Variants in OPRL1 observed in about 807,000 individuals in gnomAD.
OPRL1 encodes opioid related nociceptin receptor 1.
In OPRL1, 5 loss-of-function variants were observed where a neutral mutation model predicts 15.5. The observed-to-expected ratio is 0.32, with a 90% CI of 0.17 to 0.68. The LOEUF (loss-of-function observed/expected upper bound fraction) is 0.68, where lower values mean the gene tolerates loss of function less well. Among genes scored for constraint, OPRL1 ranks in the 30% least tolerant of loss-of-function variants. The pLI is 0.72. For synonymous variants in OPRL1, 223 were observed against 230.2 expected, an observed-to-expected ratio of 0.97 and a Z score of 0.28; for missense variants, 406 against 515.3, an observed-to-expected ratio of 0.79 and a Z score of 2.05.
Position 64,097,781 on chromosome 20 carries a change from T to C in OPRL1, c.234-21T>C, listed in dbSNP as rs1315347845. The C allele has an allele frequency of 4.4e-6, 7 of 1,600,646 alleles. No homozygotes were observed. Among genetic ancestry groups the C allele is most frequent in the Non-Finnish European group, 6.0e-6 (7 of 1,170,198 alleles). On this transcript the variant is annotated intron_variant, in intron 3 of 4. Transcript: ENST00000336866. The surrounding 1 kb of genome is among the most constrained non-coding windows in gnomAD (Gnocchi z 4.2). ...AGCCAGCATGGCCAAGTGAAGCCTT[T>C]CTTCTCCCTCTACTCCGCAGGCACA...
chr20:64,096,819 C>T (rs895555417), intron 3 of OPRL1, among the ~76,000 whole-genome samples: 1 of 110,476 alleles, frequency 9.1e-6, no homozygotes, highest in Non-Finnish European at 1.9e-5. Flanking sequence ...CCATCACCAC[C>T]ATCATCACCA....
In OPRL1 at chr20:64,097,673, T is replaced by C. The variant is rs1016053667; in HGVS notation, c.234-129T>C. The C allele has an allele frequency of 4.8e-5, 38 of 787,344 alleles. No homozygotes were observed. In the East Asian group the frequency reaches 5.1e-4, roughly 11 times the overall value. 48.8% of individuals were successfully genotyped at this position (787,344 alleles called of 1,614,324 possible). A position where few individuals can be genotyped will look rare whatever the true frequency, so the allele number is the denominator to read the frequency against. ...GGAGCTATCACTTACCAAGCCCCCA[T>C]GGGAACTCTGATGTTAAGGGACTCA... is the stretch of plus-strand genomic sequence containing the variant. On this transcript the variant is annotated intron_variant, in intron 3 of 4. Transcript: ENST00000336866. The surrounding 1 kb of genome is among the most constrained non-coding windows in gnomAD (Gnocchi z 4.2).
chr20:64,091,750 G>A (rs990198382), intron 1 of OPRL1, among the ~76,000 whole-genome samples: 11 of 152,166 alleles, frequency 7.2e-5, no homozygotes, highest in Admixed American at 3.9e-4. Context: ...ATCTCTGTCC[G>A]TGTGTCCTGG....
chr20:64,095,691 G>A (rs946053238), intron 3 of OPRL1, among the ~76,000 whole-genome samples: 5 of 151,824 alleles, frequency 3.3e-5, no homozygotes, highest in African/African-American at 1.2e-4. Flanking sequence ...GCCTGGACCC[G>A]GAAAAAGGTG....
intron 1 of OPRL1, among the ~76,000 whole-genome samples, chr20:64,086,228 G>A (rs751664237): frequency 6.6e-6 from 1 of 152,196 alleles, no homozygotes; most frequent in African/African-American, 2.4e-5. Context: ...GGCTCTTGGC[G>A]TTTGTGGGGG....
rs1332741972 is a variant in OPRL1, at chr20:64,089,362, G to C, written c.-184-2604G>C. 2.6e-5 allele frequency among the ~76,000 whole-genome samples: 4 copies of C among 152,116 alleles called. No individual in the cohort carries two copies. Among genetic ancestry groups the C allele is most frequent in the South Asian group, 2.1e-4 (1 of 4,818 alleles). ...GCCAGGCAAGGCAGAGCTGGGAGCT[G>C]CCTTGGTGGGGGTGCAGGTGGCTGG... On this transcript the variant is annotated intron_variant, in intron 1 of 4. Coordinates refer to ENST00000336866, the MANE Select transcript of OPRL1 (RefSeq NM_182647.4). The surrounding 1 kb of genome is among the most constrained non-coding windows in gnomAD (Gnocchi z 5.5).
At chr20:64,088,897 C>CCAGGATCTGTGCAGGGAGGG (rs1569272095) in intron 1 of OPRL1, among the ~76,000 whole-genome samples, 4 of 147,602 alleles carry the variant, frequency 2.7e-5, no homozygotes, top group Non-Finnish European at 4.5e-5. Context: ...TGCAGAGTGG[C>CCAGGATCTGTGCAGGGAGGG]CAGGGTCTGT....
chr20:64,091,575 C>G (rs932438170), intron 1 of OPRL1, among the ~76,000 whole-genome samples: 1 of 152,200 alleles, frequency 6.6e-6, no homozygotes, highest in African/African-American at 2.4e-5. Context: ...CTGTCGAGAG[C>G]TGGCCGGGTG....
At chr20:64,088,040 G>A (rs1006162095) in intron 1 of OPRL1, among the ~76,000 whole-genome samples, 2 of 152,234 alleles carry the variant, frequency 1.3e-5, no homozygotes, top group Non-Finnish European at 1.5e-5. Flanking sequence ...CTAAGACTGC[G>A]CCTGTGAGGG....
At position 64,098,794 on chromosome 20, in the gene OPRL1, G is replaced by T; in HGVS notation, c.1108G>T (p.Ala370Ser). 1 of 1,589,152 alleles carries T rather than the reference G, an allele frequency of 6.3e-7. No individual in the cohort carries two copies. ...CKTSETVPRP[A>S] is the part of the protein sequence containing the mutation. ...GACCTCTGAGACGGTACCGCGGCCC[G>T]CATGACTAGGCGTGGACCTGCCCAT... The change falls in exon 5 of 5, where the codon GCA (alanine) becomes TCA (serine). Residue 370 changes from alanine to serine, a missense_variant. Coordinates refer to ENST00000336866, the MANE Select transcript of OPRL1 (RefSeq NM_182647.4).
rs184628392 is a variant in OPRL1 at position 64,097,335 on chromosome 20, T to C, written c.234-467T>C. The stretch of plus-strand genomic sequence containing the variant: ...GTGTGGACTTGGAAGCCTTTTGATA[T>C]GTTCTTACAGATTCTGGAGCCCTCA... On this transcript the variant is annotated intron_variant, in intron 3 of 4. Coordinates refer to ENST00000336866, the MANE Select transcript of OPRL1 (RefSeq NM_182647.4). The surrounding 1 kb of genome is among the most constrained non-coding windows in gnomAD (Gnocchi z 4.2). Among the ~76,000 whole-genome samples the C allele has an allele frequency of 9.2e-5, 14 of 152,266 alleles. No individual in the cohort carries two copies. The East Asian group carries it at 2.7e-3, about 29-fold the overall frequency.
chr20:64,093,092 A>G, intron 3 of OPRL1, 139 bp downstream of exon 3: 1 of 802,916 alleles, frequency 1.2e-6, no homozygotes, highest in South Asian at 1.8e-5. Flanking sequence ...GACCCTGTCC[A>G]GGAGGCAGGG....
chr20:64,089,995 C>T lies in OPRL1; in HGVS notation c.-184-1971C>T, dbSNP rs1483803683. 1.3e-5 allele frequency among the ~76,000 whole-genome samples: 2 copies of T among 152,202 alleles called. No homozygotes were observed. Among genetic ancestry groups the T allele is most frequent in the East Asian group, 1.9e-4 (1 of 5,196 alleles). On this transcript the variant is annotated intron_variant, in intron 1 of 4. Transcript: ENST00000336866. The surrounding 1 kb of genome is among the most constrained non-coding windows in gnomAD (Gnocchi z 5.5). ...TGAGGTCAGGGGGCTCACCCTCGAG[C>T]TTTGCCTGGAGAGCGTGTTTGTGCA... is the stretch of plus-strand genomic sequence containing the variant.
chr20:64,084,358 AC>A, intron 1 of OPRL1: 3 of 1,281,448 alleles, frequency 2.3e-6, no homozygotes, highest in Non-Finnish European at 9.8e-7. Flanking sequence ...TGAGTTCCGC[AC>A]CCCCAGCCTC....
rs1296526821 is a variant in OPRL1 at position 64,089,463 on chromosome 20, T to G, written c.-184-2503T>G. 6.6e-6 allele frequency among the ~76,000 whole-genome samples: 1 copy of G among 152,034 alleles called. No homozygotes were observed. The highest frequency in any genetic ancestry group is 1.5e-5 in the Non-Finnish European group (1 of 67,980). On this transcript the variant is annotated intron_variant, in intron 1 of 4. Transcript: ENST00000336866. This position sits in a 1 kb window ranked among gnomAD's most constrained non-coding sequence, Gnocchi z 5.5. ...GAGCTAGGTCTGACCTCGTCCCCCC[T>G]CCTTTCTTCCTGTCCTCCTATCCCC...
intron 3 of OPRL1, among the ~76,000 whole-genome samples, chr20:64,095,495 G>A (rs1979016648): frequency 1.3e-5 from 2 of 151,686 alleles, no homozygotes; most frequent in East Asian, 3.9e-4. Context: ...TTTCTGGGCA[G>A]AGGAAATGAT....
In OPRL1 at chr20:64,090,374, G is replaced by A. The variant is rs527517630; in HGVS notation, c.-184-1592G>A. On this transcript the variant is annotated intron_variant, in intron 1 of 4. Coordinates refer to ENST00000336866, the MANE Select transcript of OPRL1 (RefSeq NM_182647.4). This position sits in a 1 kb window ranked among gnomAD's most constrained non-coding sequence, Gnocchi z 4.9. ...AGGGAGAAATCCTGGGGGACAGCGA[G>A]GGATGCTGGGTCCTGGGGCATCTGC... Among the ~76,000 whole-genome samples the A allele has an allele frequency of 4.7e-4, 72 of 152,314 alleles. No homozygotes were observed. The highest frequency in any genetic ancestry group is 4.9e-4 in the Non-Finnish European group (33 of 68,028).
Position 64,089,105 on chromosome 20 carries a change from T to A in OPRL1, c.-184-2861T>A, listed in dbSNP as rs997781972. On this transcript the variant is annotated intron_variant, in intron 1 of 4. Coordinates refer to ENST00000336866, the MANE Select transcript of OPRL1 (RefSeq NM_182647.4). The surrounding 1 kb of genome is among the most constrained non-coding windows in gnomAD (Gnocchi z 5.5). ...GGTTCTGCGCAGGGGGCCTAGGCTGTTCAGCATGCCAGGGTCTGTGCTGGG... is the reference window on the plus strand; with the variant it reads ...GGTTCTGCGCAGGGGGCCTAGGCTGATCAGCATGCCAGGGTCTGTGCTGGG... Among the ~76,000 whole-genome samples the A allele has an allele frequency of 6.7e-6, 1 of 149,310 alleles. No individual in the cohort carries two copies. The highest frequency in any genetic ancestry group is 6.6e-5 in the Admixed American group (1 of 15,052).
chr20:64,081,852 C>T (rs1319389367), intron 1 of OPRL1, among the ~76,000 whole-genome samples: 1 of 152,222 alleles, frequency 6.6e-6, no homozygotes, highest in South Asian at 2.1e-4. Flanking sequence ...AGGTCACTGT[C>T]TTGCTGGCCT....
Sources: gnomAD v4.1 joint callset for allele counts (sites outside exome capture counted in the v4.1 genomes callset) on GRCh38, gnomAD v4.1.1 for gene constraint, Gnocchi (gnomAD v3.1) non-coding constraint, MANE v1.5 for transcripts, NCBI Gene and HGNC (gene_info 2026-07-23, HGNC 2026-07-21) for gene names.